POU3F2: variants seen among roughly 807,000 people sequenced by gnomAD.
POU3F2 encodes the protein POU class 3 homeobox 2.
POU3F2 carries 11 observed loss-of-function variants against 33.1 expected under a neutral mutation model. That is an observed-to-expected ratio of 0.33 (90% CI 0.21 to 0.55). The LOEUF is 0.55. Ranked by LOEUF, POU3F2 falls within the 20% of genes least tolerant of loss-of-function variation. The pLI is 0.91. For synonymous variants in POU3F2, 332 were observed against 289.6 expected (o/e 1.15, Z -1.49); for missense variants, 456 against 620.2 (o/e 0.74, Z 2.81).
Position 98,836,890 on chromosome 6 carries a change from T to C in POU3F2, c.*685T>C, listed in dbSNP as rs112324835. Reference sequence around the variant, plus strand: ...GCTCTTGGCCACTCTCCATTTCTAATGTTCTTGTGTTGCCCCTTCTTCGTA... The same window carrying C: ...GCTCTTGGCCACTCTCCATTTCTAACGTTCTTGTGTTGCCCCTTCTTCGTA... On this transcript the variant is annotated 3_prime_UTR_variant, in exon 1 of 1. Transcript: ENST00000328345. The C allele has an allele frequency of 6.0e-6, 1 of 167,134 alleles. No individual in the cohort carries two copies. Among genetic ancestry groups the C allele is most frequent in the Non-Finnish European group, 1.5e-5 (1 of 68,124 alleles). 10.4% of individuals were successfully genotyped at this position (167,134 alleles called of 1,614,324 possible).
In POU3F2 at chr6:98,834,881, C is replaced by T; in HGVS notation, c.8C>T (p.Thr3Ile). Residue 3 changes from threonine to isoleucine, a missense_variant, in exon 1 of 1, where the codon ACC becomes ATC. Coordinates refer to ENST00000328345, the MANE Select transcript of POU3F2 (RefSeq NM_005604.4). MA[T>I]AASNHYSLLT... ...AGTCCGGCTCCGAGAGTCATGGCGA[C>T]CGCAGCGTCTAACCACTACAGCCTG... 6.3e-7 allele frequency: 1 copy of T among 1,598,740 alleles called. No individual in the cohort carries two copies. The highest frequency in any genetic ancestry group is 1.1e-5 in the South Asian group (1 of 91,056).
In POU3F2 at chr6:98,835,076, G is replaced by A; in HGVS notation, c.203G>A (p.Gly68Asp). 8.2e-7 allele frequency: 1 copy of A among 1,213,950 alleles called. No homozygotes were observed. The highest frequency in any genetic ancestry group is 1.0e-6 in the Non-Finnish European group (1 of 975,810). 75.2% of individuals were successfully genotyped at this position (1,213,950 alleles called of 1,614,324 possible). A position where few individuals can be genotyped will look rare whatever the true frequency, so the allele number is the denominator to read the frequency against. Residue 68 changes from glycine to aspartate, a missense_variant, in exon 1 of 1, where the codon GGC (glycine) becomes GAC (aspartate). Coordinates refer to ENST00000328345, the MANE Select transcript of POU3F2 (RefSeq NM_005604.4). The surrounding 1 kb of genome is among the most constrained non-coding windows in gnomAD (Gnocchi z 9.7). ...CAGTGGATCACCGCGCTGTCCCACG[G>A]CGGCGGCGGCGGGGGCGGTGGCGGC... is the stretch of plus-strand genomic sequence containing the variant. ...AHQWITALSH[G>D]GGGGGGGGGG...
In POU3F2 at chr6:98,835,726, G is replaced by C; in HGVS notation, c.853G>C (p.Gly285Arg). 6.2e-7 allele frequency: 1 copy of C among 1,613,942 alleles called. No individual in the cohort carries two copies. The highest frequency in any genetic ancestry group is 2.2e-5 in the East Asian group (1 of 44,878). ...KQFKQRRIKL[G>R]FTQADVGLAL... is the part of the protein sequence containing the mutation. Reference sequence around the variant, plus strand: ...GTTCAAGCAGCGGCGGATCAAACTGGGATTTACCCAAGCGGACGTGGGGCT... The same window carrying C: ...GTTCAAGCAGCGGCGGATCAAACTGCGATTTACCCAAGCGGACGTGGGGCT... The change falls in exon 1 of 1, where the codon GGA becomes CGA. Residue 285 changes from glycine to arginine, a missense_variant. Physicochemically the swap from Gly to Arg is moderately radical, Grantham distance 125. Coordinates refer to ENST00000328345, the MANE Select transcript of POU3F2 (RefSeq NM_005604.4). This position sits in a 1 kb window ranked among gnomAD's most constrained non-coding sequence, Gnocchi z 9.7.
chr6:98,835,598 C>T lies in POU3F2; in HGVS notation c.725C>T (p.Pro242Leu), dbSNP rs1219582921. 2.5e-6 allele frequency: 4 copies of T among 1,608,030 alleles called. No individual in the cohort carries two copies. Among genetic ancestry groups the T allele is most frequent in the Non-Finnish European group, 3.4e-6 (4 of 1,178,276 alleles). The stretch of plus-strand genomic sequence containing the variant: ...CACCCACACCAGCAGCCGCCGCCCC[C>T]GCCGCCCCCGCAGGGTCCGCCTGGC... ...HSHPHQQPPP[P>L]PPPQGPPGHP... Residue 242 changes from proline to leucine, a missense_variant, in exon 1 of 1, where the codon CCG (proline) becomes CTG (leucine). Around this residue, in one of 6 missense-constraint regions of POU3F2, gnomAD observed 341 missense variants for 382.4 expected, o/e 0.89. Transcript: ENST00000328345. This position sits in a 1 kb window ranked among gnomAD's most constrained non-coding sequence, Gnocchi z 9.7.
In POU3F2 at chr6:98,834,616, G is replaced by T; in HGVS notation, c.-258G>T. Reference sequence around the variant, plus strand: ...AGGGAGAGGGGGGAGCGCCGAGCTAGTCAGAGAGTGAGCGAGAGCGAGAAG... The same window carrying T: ...AGGGAGAGGGGGGAGCGCCGAGCTATTCAGAGAGTGAGCGAGAGCGAGAAG... On this transcript the variant is annotated 5_prime_UTR_variant, in exon 1 of 1. Transcript: ENST00000328345. 3 of 530,622 alleles carry T rather than the reference G, an allele frequency of 5.7e-6. No individual in the cohort carries two copies. Among genetic ancestry groups the T allele is most frequent in the Non-Finnish European group, 6.8e-6 (2 of 295,846 alleles). 32.9% of individuals were successfully genotyped at this position (530,622 alleles called of 1,614,324 possible).
Position 98,836,322 on chromosome 6 carries a change from A to AT in POU3F2, c.*120dup, listed in dbSNP as rs1474558871. The AT allele has an allele frequency of 7.0e-6, 9 of 1,286,366 alleles. No individual in the cohort carries two copies. The highest frequency in any genetic ancestry group is 9.2e-6 in the Non-Finnish European group (9 of 973,006). The allele number at this position is 1,286,366 out of a possible 1,614,324, so 79.7% of individuals were successfully genotyped here. A position where few individuals can be genotyped will look rare whatever the true frequency, so the allele number is the denominator to read the frequency against. ...GATTGTTCTTTTATTTTTAATTATT[A>AT]TTTCCCCGTCCCTTAAAAAGACAAA... On this transcript the variant is annotated 3_prime_UTR_variant, in exon 1 of 1. Transcript: ENST00000328345.
At position 98,836,948 on chromosome 6, in the gene POU3F2, C is replaced by G. The variant is rs965927260; in HGVS notation, c.*743C>G. The G allele has an allele frequency of 3.0e-5, 5 of 167,204 alleles. No individual in the cohort carries two copies. The highest frequency in any genetic ancestry group is 2.0e-4 in the Admixed American group (3 of 15,308). The allele number at this position is 167,204 out of a possible 1,614,324, so 10.4% of individuals were successfully genotyped here. On this transcript the variant is annotated 3_prime_UTR_variant, in exon 1 of 1. Coordinates refer to ENST00000328345, the MANE Select transcript of POU3F2 (RefSeq NM_005604.4). ...TGAACTTTGGTTACCTTCACATTCCCCTTACGAGGGTGTAACATCTATTTG... is the reference window on the plus strand; with the variant it reads ...TGAACTTTGGTTACCTTCACATTCCGCTTACGAGGGTGTAACATCTATTTG...
chr6:98,835,976 C>T lies in POU3F2; in HGVS notation c.1103C>T (p.Ala368Val). The T allele has an allele frequency of 6.2e-7, 1 of 1,613,926 alleles. No homozygotes were observed. The highest frequency in any genetic ancestry group is 8.5e-7 in the Non-Finnish European group (1 of 1,179,964). The change falls in exon 1 of 1, where the codon GCT becomes GTT. Residue 368 changes from alanine to valine, a missense_variant. This residue lies in a region of POU3F2 where 48 missense variants were observed against 96.0 expected (regional missense o/e 0.50). Transcript: ENST00000328345. This position sits in a 1 kb window ranked among gnomAD's most constrained non-coding sequence, Gnocchi z 9.7. ...RTSIEVSVKG[A>V]LESHFLKCPK... ...TCCATCGAGGTGAGCGTCAAGGGGG[C>T]TCTGGAGAGCCATTTCCTCAAATGC...
chr6:98,834,851 C>T lies in POU3F2; in HGVS notation c.-23C>T. ...AAATGCGCGGCTCCTTTAACCGGAG[C>T]GCTCAGTCCGGCTCCGAGAGTCATG... On this transcript the variant is annotated 5_prime_UTR_variant, in exon 1 of 1. Transcript: ENST00000328345. 1.9e-6 allele frequency: 3 copies of T among 1,590,900 alleles called. No homozygotes were observed. The highest frequency in any genetic ancestry group is 1.1e-5 in the South Asian group (1 of 90,824).
rs34400185 is a variant in POU3F2 at position 98,836,570 on chromosome 6, G to GAA, written c.*372_*373dup. The GAA allele has an allele frequency of 3.9e-4, 73 of 187,870 alleles. 1 individual carries two copies. Among genetic ancestry groups the GAA allele is most frequent in the Middle Eastern group, 5.0e-3 (2 of 402 alleles). 11.6% of individuals were successfully genotyped at this position (187,870 alleles called of 1,614,324 possible). ...CAAAACTAAATAAATTACCAAAAAG[G>GAA]AAAAAAAATCCACCAAACCATGATA... On this transcript the variant is annotated 3_prime_UTR_variant, in exon 1 of 1. Coordinates refer to ENST00000328345, the MANE Select transcript of POU3F2 (RefSeq NM_005604.4).
Position 98,835,250 on chromosome 6 carries a change from A to G in POU3F2, c.377A>G (p.Gln126Arg). ...CTGCACGGGCCAGGCGCCCTGCAGCAGCAGCATCAGCAGCAGCAACAGCAA... is the reference window on the plus strand; with the variant it reads ...CTGCACGGGCCAGGCGCCCTGCAGCGGCAGCATCAGCAGCAGCAACAGCAA... The part of the protein sequence containing the change: ...DELHGPGALQ[Q>R]QHQQQQQQQQ... Residue 126 changes from glutamine to arginine, a missense_variant, in exon 1 of 1, where the codon CAG becomes CGG. Around this residue, in one of 6 missense-constraint regions of POU3F2, gnomAD observed 341 missense variants for 382.4 expected, o/e 0.89. Transcript: ENST00000328345. This position sits in a 1 kb window ranked among gnomAD's most constrained non-coding sequence, Gnocchi z 9.7. 1 of 1,542,808 alleles carries G rather than the reference A, an allele frequency of 6.5e-7. No individual in the cohort carries two copies. Among genetic ancestry groups the G allele is most frequent in the South Asian group, 1.2e-5 (1 of 83,406 alleles).
At position 98,835,340 on chromosome 6, in the gene POU3F2, A is replaced by G; in HGVS notation, c.467A>G (p.His156Arg). 6.5e-7 allele frequency: 1 copy of G among 1,546,252 alleles called. No individual in the cohort carries two copies. The highest frequency in any genetic ancestry group is 8.7e-7 in the Non-Finnish European group (1 of 1,146,410). The change falls in exon 1 of 1, where the codon CAC becomes CGC. Residue 156 changes from histidine to arginine, a missense_variant. His to Arg is a conservative substitution (Grantham distance 29). Around this residue, in one of 6 missense-constraint regions of POU3F2, gnomAD observed 341 missense variants for 382.4 expected, o/e 0.89. Coordinates refer to ENST00000328345, the MANE Select transcript of POU3F2 (RefSeq NM_005604.4). This position sits in a 1 kb window ranked among gnomAD's most constrained non-coding sequence, Gnocchi z 9.7. ...QQQQRPPHLV[H>R]HAANHHPGPG... ...CAACAGCGGCCGCCGCATCTGGTGC[A>G]CCACGCCGCTAACCACCACCCGGGA...
Position 98,834,765 on chromosome 6 carries a change from A to G in POU3F2, c.-109A>G. 1 of 1,247,748 alleles carries G rather than the reference A, an allele frequency of 8.0e-7. No individual in the cohort carries two copies. Among genetic ancestry groups the G allele is most frequent in the Non-Finnish European group, 1.1e-6 (1 of 913,344 alleles). The allele number at this position is 1,247,748 out of a possible 1,614,324, so 77.3% of individuals were successfully genotyped here. On this transcript the variant is annotated 5_prime_UTR_variant, in exon 1 of 1. Coordinates refer to ENST00000328345, the MANE Select transcript of POU3F2 (RefSeq NM_005604.4). ...GGGCGTCGGAGCTGCCCGCTGTGGG[A>G]GAGAGAGGAGACAGAAAGAGCGAGC...
chr6:98,835,161 C>G lies in POU3F2; in HGVS notation c.288C>G (p.Ser96Arg). 7.0e-7 allele frequency: 1 copy of G among 1,424,286 alleles called. No individual in the cohort carries two copies. The allele number at this position is 1,424,286 out of a possible 1,614,324, so 88.2% of individuals were successfully genotyped here. Residue 96 changes from serine (S) to arginine (R), a missense_variant, in exon 1 of 1, where the codon AGC (serine) becomes AGG (arginine). Ser to Arg is a moderately radical substitution (Grantham distance 110). Coordinates refer to ENST00000328345, the MANE Select transcript of POU3F2 (RefSeq NM_005604.4). This position sits in a 1 kb window ranked among gnomAD's most constrained non-coding sequence, Gnocchi z 9.7. ...GGGDGSPWSTSPLGQPDIKPS... is the reference protein window; with the variant it reads ...GGGDGSPWSTRPLGQPDIKPS... Reference sequence around the variant, plus strand: ...GCGACGGCTCCCCGTGGTCCACCAGCCCCCTGGGCCAGCCGGACATCAAGC... The same window carrying G: ...GCGACGGCTCCCCGTGGTCCACCAGGCCCCTGGGCCAGCCGGACATCAAGC...
chr6:98,834,679 AGGCGGC>A lies in POU3F2; in HGVS notation c.-185_-180del. 3 of 613,952 alleles carry A rather than the reference AGGCGGC, an allele frequency of 4.9e-6. No homozygotes were observed. The highest frequency in any genetic ancestry group is 8.4e-6 in the Non-Finnish European group (3 of 358,618). 38.0% of individuals were successfully genotyped at this position (613,952 alleles called of 1,614,324 possible). Reference sequence around the variant, plus strand: ...GAGAAAGAGAGCGAGGGCGGGCGGGAGGCGGCGGCGGCGGCAGCAGCAGCAGTAATA... The same window carrying A: ...GAGAAAGAGAGCGAGGGCGGGCGGGAGGCGGCGGCAGCAGCAGCAGTAATA... On this transcript the variant is annotated 5_prime_UTR_variant, in exon 1 of 1. Transcript: ENST00000328345.
At position 98,835,017 on chromosome 6, in the gene POU3F2, G is replaced by A. The variant is rs199873673; in HGVS notation, c.144G>A (p.Leu48=). Residue 48 remains leucine, a synonymous_variant, in exon 1 of 1, where the codon CTG becomes CTA. Coordinates refer to ENST00000328345, the MANE Select transcript of POU3F2 (RefSeq NM_005604.4). The surrounding 1 kb of genome is among the most constrained non-coding windows in gnomAD (Gnocchi z 9.7). ...QSLVQGDYGA[L]QSNGHPLSHA... Reference sequence around the variant, plus strand: ...TGGTGCAGGGCGACTACGGCGCTCTGCAGAGCAACGGACACCCGCTCAGCC... The same window carrying A: ...TGGTGCAGGGCGACTACGGCGCTCTACAGAGCAACGGACACCCGCTCAGCC... The A allele has an allele frequency of 1.3e-6, 2 of 1,573,764 alleles. No homozygotes were observed. The highest frequency in any genetic ancestry group is 1.7e-5 in the Admixed American group (1 of 57,190).
In POU3F2 at chr6:98,834,787, G is replaced by T; in HGVS notation, c.-87G>T. On this transcript the variant is annotated 5_prime_UTR_variant, in exon 1 of 1. Transcript: ENST00000328345. Reference sequence around the variant, plus strand: ...GGGAGAGAGAGGAGACAGAAAGAGCGAGCGAGGAGAGGGAGCCCGAGGCGA... The same window carrying T: ...GGGAGAGAGAGGAGACAGAAAGAGCTAGCGAGGAGAGGGAGCCCGAGGCGA... 1 of 1,426,198 alleles carries T rather than the reference G, an allele frequency of 7.0e-7. No individual in the cohort carries two copies. The highest frequency in any genetic ancestry group is 9.5e-7 in the Non-Finnish European group (1 of 1,055,600). 88.3% of individuals were successfully genotyped at this position (1,426,198 alleles called of 1,614,324 possible).
Position 98,836,336 on chromosome 6 carries a change from TA to T in POU3F2, c.*136del. The T allele has an allele frequency of 8.3e-7, 1 of 1,206,520 alleles. No homozygotes were observed. The highest frequency in any genetic ancestry group is 1.1e-6 in the Non-Finnish European group (1 of 902,238). The allele number at this position is 1,206,520 out of a possible 1,614,324, so 74.7% of individuals were successfully genotyped here. A position where few individuals can be genotyped will look rare whatever the true frequency, so the allele number is the denominator to read the frequency against. ...TTTTAATTATTATTTCCCCGTCCCT[TA>T]AAAAGACAAAAAAAATAAGGCAAAA... On this transcript the variant is annotated 3_prime_UTR_variant, in exon 1 of 1. Transcript: ENST00000328345.
rs772816071 is a variant in POU3F2, at chr6:98,835,918, G to T, written c.1045G>T (p.Ala349Ser). 7.4e-6 allele frequency: 12 copies of T among 1,614,072 alleles called. No homozygotes were observed. Among genetic ancestry groups the T allele is most frequent in the Non-Finnish European group, 1.0e-5 (12 of 1,180,042 alleles). ...CAGCCCCACGAGCATAGACAAGATC[G>T]CAGCGCAAGGGCGCAAGCGGAAAAA... ...SGSPTSIDKIAAQGRKRKKRT... is the reference protein window; with the variant it reads ...SGSPTSIDKISAQGRKRKKRT... The change falls in exon 1 of 1, where the codon GCA becomes TCA. Residue 349 changes from alanine to serine, a missense_variant. Coordinates refer to ENST00000328345, the MANE Select transcript of POU3F2 (RefSeq NM_005604.4). This position sits in a 1 kb window ranked among gnomAD's most constrained non-coding sequence, Gnocchi z 9.7.
Sources: allele counts gnomAD v4.1 joint callset, GRCh38; gene constraint gnomAD v4.1.1; regional missense constraint gnomAD v4.1.1; non-coding constraint Gnocchi (gnomAD v3.1); transcripts MANE v1.5; gene names NCBI Gene and HGNC (gene_info 2026-07-23, HGNC 2026-07-21).